JAKMIP3: variants seen among roughly 807,000 people sequenced by gnomAD.
The protein encoded by JAKMIP3 is janus kinase and microtubule-interacting protein 3.
JAKMIP3 carries 58 observed loss-of-function variants against 118.5 expected under a neutral mutation model. The observed-to-expected ratio is 0.49, with a 90% CI of 0.40 to 0.61. The LOEUF is 0.61. Among genes scored for constraint, JAKMIP3 ranks in the 20% least tolerant of loss-of-function variants. JAKMIP3 has a pLI of 0.00. For synonymous variants in JAKMIP3, 486 were observed against 451.2 expected (o/e 1.08, Z -0.98); for missense variants, 950 against 1,109.0 (o/e 0.86, Z 2.04).
Position 132,117,600 on chromosome 10 carries a change from TGGGCGAGGGTGCAGGG to T in JAKMIP3, c.633+28_633+43del. 1 of 809,728 alleles carries T rather than the reference TGGGCGAGGGTGCAGGG, an allele frequency of 1.2e-6. No homozygotes were observed. The highest frequency in any genetic ancestry group is 8.4e-5 in the East Asian group (1 of 11,886). 50.2% of individuals were successfully genotyped at this position (809,728 alleles called of 1,614,324 possible). On this transcript the variant is annotated intron_variant, in intron 3 of 23. Coordinates refer to ENST00000684848, the MANE Select transcript of JAKMIP3 (RefSeq NM_001323087.2). The surrounding 1 kb of genome is among the most constrained non-coding windows in gnomAD (Gnocchi z 8.6). The stretch of plus-strand genomic sequence containing the variant: ...GTACGTGGGCAGGCAGGGGCGGGCG[TGGGCGAGGGTGCAGGG>T]GCGGGCGTGGGCGAGGGTGCAGGGG...
intron 1 of JAKMIP3, among the ~76,000 whole-genome samples, chr10:132,066,610 T>C (rs547446447): frequency 2.6e-5 from 4 of 152,346 alleles, no homozygotes; most frequent in South Asian, 2.1e-4. Flanking sequence ...TACCTGCGCA[T>C]TGATTGGATG....
chr10:132,065,694 G>A (rs1045673460), upstream of JAKMIP3, among the ~76,000 whole-genome samples: 6 of 152,078 alleles, frequency 3.9e-5, no homozygotes, highest in African/African-American at 1.4e-4. The surrounding 1 kb of genome is among the most constrained non-coding windows in gnomAD (Gnocchi z 5.6). Context: ...CTGTGCCTTC[G>A]GCCGCCCGGC....
rs533649285 is a variant in JAKMIP3, at chr10:132,154,607, T to C, written c.2220+617T>C. Among the ~76,000 whole-genome samples the C allele has an allele frequency of 4.6e-5, 7 of 152,260 alleles. No homozygotes were observed. In the South Asian group the frequency reaches 1.5e-3, roughly 32 times the overall value. ...TCAGGCCATGTTGTGGAAAGACAAG[T>C]GTCACCACCAAGAGGTTCACCTCGG... On this transcript the variant is annotated intron_variant, in intron 19 of 23. Transcript: ENST00000684848.
At chr10:132,138,061 A>G in intron 8 of JAKMIP3, 58 bp from the exon 9 acceptor site, 1 of 1,508,406 alleles carries the variant, frequency 6.6e-7, no homozygotes, top group Non-Finnish European at 9.1e-7. Context: ...TAAACCGTGG[A>G]CTGAAACCGG....
At chr10:132,174,260 C>T (rs2059936752) in intron 23 of JAKMIP3, among the ~76,000 whole-genome samples, 1 of 152,152 alleles carries the variant, frequency 6.6e-6, no homozygotes, top group African/African-American at 2.4e-5. Context: ...ACCTGTTTCT[C>T]ATTGTGTCAG....
intron 22 of JAKMIP3, 89 bp from the exon 23 acceptor site, chr10:132,167,864 G>GCTCTCGC (rs1554958693): frequency 3.5e-6 from 3 of 847,416 alleles, no homozygotes; most frequent in Non-Finnish European, 3.3e-6. Flanking sequence ...TCACCCCTCG[G>GCTCTCGC]CCCTCGCCCC....
chr10:132,126,328 G>A (rs530251562), intron 3 of JAKMIP3, among the ~76,000 whole-genome samples: 14 of 150,082 alleles, frequency 9.3e-5, no homozygotes, highest in African/African-American at 2.0e-4. Flanking sequence ...TCCTGGACAC[G>A]GTCTCGCTCT....
chr10:132,179,395 C>T lies in JAKMIP3; in HGVS notation c.*1104-2962C>T, dbSNP rs1304085619. Among the ~76,000 whole-genome samples, 1 of 152,174 alleles carries T rather than the reference C, an allele frequency of 6.6e-6. No individual in the cohort carries two copies. The highest frequency in any genetic ancestry group is 1.5e-5 in the Non-Finnish European group (1 of 68,038). ...CCTACCTCTCTCCTGTCACTCGAAGCTCAGCCACCTGAGCAGCACTTTCCT... is the reference window on the plus strand; with the variant it reads ...CCTACCTCTCTCCTGTCACTCGAAGTTCAGCCACCTGAGCAGCACTTTCCT... On this transcript the variant is annotated intron_variant, in intron 23 of 23. Coordinates refer to ENST00000684848, the MANE Select transcript of JAKMIP3 (RefSeq NM_001323087.2). The surrounding 1 kb of genome is among the most constrained non-coding windows in gnomAD (Gnocchi z 4.3).
intron 1 of JAKMIP3, among the ~76,000 whole-genome samples, chr10:132,100,429 G>A (rs79628513): frequency 0.11 from 13,470 of 123,526 alleles, 720 homozygotes; most frequent in East Asian, 0.31. Flanking sequence ...CTCTCCAGTC[G>A]CCCCGTCTGC....
intron 5 of JAKMIP3, among the ~76,000 whole-genome samples, chr10:132,135,590 G>C (rs1199659069): frequency 2.0e-5 from 3 of 152,248 alleles, no homozygotes; most frequent in African/African-American, 7.2e-5. Context: ...AAGACAAAGC[G>C]CTGGCCCCAG....
intron 16 of JAKMIP3, 133 bp from the exon 17 acceptor site, chr10:132,152,825 A>C: frequency 1.5e-6 from 1 of 651,998 alleles, no homozygotes; most frequent in Non-Finnish European, 2.8e-6. Flanking sequence ...CAGTCAAAGC[A>C]CTTTTTAGCT....
At chr10:132,132,450 C>T (rs1235628172) in intron 3 of JAKMIP3, among the ~76,000 whole-genome samples, 1 of 152,204 alleles carries the variant, frequency 6.6e-6, no homozygotes, top group Admixed American at 6.5e-5. Context: ...TGGCACATTC[C>T]TGCCCGGAAG....
intron 1 of JAKMIP3, among the ~76,000 whole-genome samples, chr10:132,093,182 G>C (rs2043324946): frequency 6.6e-6 from 1 of 152,182 alleles, no homozygotes; most frequent in South Asian, 2.1e-4. Flanking sequence ...TGCCCTTACT[G>C]GGGGGTGCCT....
intron 11 of JAKMIP3, among the ~76,000 whole-genome samples, chr10:132,142,551 C>G (rs1251840231): frequency 1.3e-5 from 2 of 151,490 alleles, no homozygotes; most frequent in Admixed American, 1.3e-4. Context: ...TGTCCCTCCG[C>G]CCACTTCCCT....
intron 4 of JAKMIP3, among the ~76,000 whole-genome samples, chr10:132,134,246 G>A (rs923656365): frequency 1.3e-5 from 2 of 152,208 alleles, no homozygotes; most frequent in Non-Finnish European, 2.9e-5. Flanking sequence ...TGAGGAACTC[G>A]AGTCGGGCCC....
At chr10:132,165,113 G>A (rs1329202825) in intron 21 of JAKMIP3, among the ~76,000 whole-genome samples, 2 of 152,242 alleles carry the variant, frequency 1.3e-5, no homozygotes, top group Admixed American at 6.5e-5. Flanking sequence ...ATCCGTGCAG[G>A]TTCACCTTGC....
intron 16 of JAKMIP3, among the ~76,000 whole-genome samples, 179 bp from the exon 17 acceptor site, chr10:132,152,779 A>G (rs1191646283): frequency 6.6e-6 from 1 of 152,158 alleles, no homozygotes; most frequent in East Asian, 1.9e-4. Context: ...GAACAAGCTC[A>G]AGTCAAGGGT....
intron 1 of JAKMIP3, among the ~76,000 whole-genome samples, chr10:132,101,694 G>A (rs4880235): frequency 0.1 from 15,483 of 151,938 alleles, 1,009 homozygotes; most frequent in Admixed American, 0.22. Flanking sequence ...CCCGGGGCTC[G>A]GTCCTGGGGT....
intron 1 of JAKMIP3, among the ~76,000 whole-genome samples, chr10:132,038,466 A>T (rs544461808): frequency 2.0e-5 from 3 of 152,212 alleles, no homozygotes; most frequent in East Asian, 3.9e-4. Context: ...GCTAATTTTT[A>T]AAAAAAGACG....
Sources: allele counts gnomAD v4.1 joint callset (sites outside exome capture counted in the v4.1 genomes callset), GRCh38; gene constraint gnomAD v4.1.1; non-coding constraint Gnocchi (gnomAD v3.1); transcripts MANE v1.5; gene names NCBI Gene and HGNC (gene_info 2026-07-23, HGNC 2026-07-21).